The following SYT1 variants were observed in gnomAD, a reference collection of about 807,000 sequenced individuals.
SYT1 encodes synaptotagmin-1.
In SYT1, 8 loss-of-function variants were observed where a neutral mutation model predicts 44.8. The observed-to-expected ratio is 0.18, with a 90% CI of 0.10 to 0.32. The LOEUF (loss-of-function observed/expected upper bound fraction) is 0.32, where lower values mean the gene tolerates loss of function less well. Ranked by LOEUF, SYT1 falls within the 10% of genes least tolerant of loss-of-function variation. The probability of loss-of-function intolerance (pLI) is 1.00; values close to 1 mark genes in which losing one functional copy is unlikely to be tolerated. For missense variants in SYT1, 286 were observed against 509.3 expected (o/e 0.56, Z 4.22); for synonymous variants, 154 against 188.8 (o/e 0.82, Z 1.51).
intron 4 of SYT1, among the ~76,000 whole-genome samples, chr12:79,243,552 T>C (rs141358384): frequency 6.6e-6 from 1 of 152,284 alleles, no homozygotes; most frequent in East Asian, 1.9e-4. Flanking sequence ...TCGAATCCCT[T>C]TTCCCTGCTT....
At chr12:78,956,190 T>TG (rs947899145) in intron 1 of SYT1, among the ~76,000 whole-genome samples, 10 of 151,996 alleles carry the variant, frequency 6.6e-5, no homozygotes, top group East Asian at 1.9e-4. Flanking sequence ...ATGACTGGTA[T>TG]GGGGGGGCAG....
intron 3 of SYT1, among the ~76,000 whole-genome samples, chr12:79,080,724 C>A (rs936102373): frequency 6.6e-6 from 1 of 152,152 alleles, no homozygotes; most frequent in East Asian, 1.9e-4. Flanking sequence ...ATCTTAAAGG[C>A]ATTCAGATCT....
intron 9 of SYT1, among the ~76,000 whole-genome samples, chr12:79,381,394 G>A (rs1429044554): frequency 2.0e-5 from 3 of 152,140 alleles, no homozygotes; most frequent in Non-Finnish European, 4.4e-5. Context: ...GACCACCACT[G>A]TTACAAAGTA....
intron 3 of SYT1, among the ~76,000 whole-genome samples, chr12:79,057,615 G>A (rs1406742637): frequency 6.6e-6 from 1 of 151,964 alleles, no homozygotes; most frequent in Non-Finnish European, 1.5e-5. Context: ...AGTCTTAGAT[G>A]TTCTTTCTCT....
chr12:79,190,113 A>G lies in SYT1; in HGVS notation c.-17-27390A>G, dbSNP rs150630602. 5.5e-3 allele frequency among the ~76,000 whole-genome samples: 841 copies of G among 152,220 alleles called. 7 individuals are homozygous for G. Among genetic ancestry groups the G allele is most frequent in the African/African-American group, 0.019 (795 of 41,538 alleles). ...ACTGCAGCACTACATCCTGAAGAAAATCAACCTGTCCATGTTTCTTGAATC... is the reference window on the plus strand; with the variant it reads ...ACTGCAGCACTACATCCTGAAGAAAGTCAACCTGTCCATGTTTCTTGAATC... On this transcript the variant is annotated intron_variant, in intron 3 of 10. Coordinates refer to ENST00000261205, the MANE Select transcript of SYT1 (RefSeq NM_005639.3).
At chr12:79,369,439 C>T (rs1174067571) in intron 9 of SYT1, among the ~76,000 whole-genome samples, 1 of 151,940 alleles carries the variant, frequency 6.6e-6, no homozygotes, top group Non-Finnish European at 1.5e-5. Flanking sequence ...CTGCCACACT[C>T]CAGACTGGGT....
At chr12:78,973,937 AAATATAT>A (rs1223866597) in intron 1 of SYT1, among the ~76,000 whole-genome samples, 1 of 23,252 alleles carries the variant, frequency 4.3e-5, no homozygotes, top group Non-Finnish European at 7.2e-5. Context: ...AAAAAAAAAA[AAATATAT>A]ATATATATAT....
intron 9 of SYT1, among the ~76,000 whole-genome samples, chr12:79,360,890 G>A (rs1358806183): frequency 6.6e-5 from 10 of 152,156 alleles, no homozygotes; most frequent in Admixed American, 2.6e-4. Flanking sequence ...AGCCAAGCCC[G>A]GTACAAGTTG....
intron 9 of SYT1, among the ~76,000 whole-genome samples, chr12:79,373,535 G>A (rs1883876413): frequency 6.6e-6 from 1 of 152,002 alleles, no homozygotes; most frequent in Admixed American, 6.6e-5. Flanking sequence ...ACTTTGTAAT[G>A]TAGCAATTCA....
intron 4 of SYT1, among the ~76,000 whole-genome samples, chr12:79,223,906 C>A (rs186311718): frequency 6.6e-6 from 1 of 152,142 alleles, no homozygotes; most frequent in Non-Finnish European, 1.5e-5. Context: ...CCCTCTCTTT[C>A]CCCCAAGTTG....
intron 3 of SYT1, among the ~76,000 whole-genome samples, chr12:79,178,955 G>GATATAAATATATCT (rs1380990050): frequency 6.3e-5 from 3 of 47,456 alleles, no homozygotes; most frequent in African/African-American, 1.3e-4. Flanking sequence ...TATAGATATA[G>GATATAAATATATCT]ATATAGATAT....
chr12:79,161,005 G>A (rs1212430827), intron 3 of SYT1, among the ~76,000 whole-genome samples: 1 of 152,068 alleles, frequency 6.6e-6, no homozygotes, highest in Non-Finnish European at 1.5e-5. Context: ...GTTCCAGGCA[G>A]GTGGATCGTT....
At position 78,991,047 on chromosome 12, in the gene SYT1, C is replaced by T. The variant is rs544387874; in HGVS notation, c.-84+13116C>T. 2.0e-5 allele frequency among the ~76,000 whole-genome samples: 3 copies of T among 152,226 alleles called. No individual in the cohort carries two copies. In the South Asian group the frequency reaches 6.2e-4, roughly 32 times the overall value. ...CTTGCTTAATATATTACTGTTTTTA[C>T]TTCAAAACAACAGCATTTGTATTCT... On this transcript the variant is annotated intron_variant, in intron 2 of 10. Coordinates refer to ENST00000261205, the MANE Select transcript of SYT1 (RefSeq NM_005639.3).
At chr12:79,378,391 C>G (rs763189779) in intron 9 of SYT1, among the ~76,000 whole-genome samples, 2 of 152,170 alleles carry the variant, frequency 1.3e-5, no homozygotes, top group Non-Finnish European at 2.9e-5. Flanking sequence ...TCAAAGAGAA[C>G]AGTCCACTGG....
At chr12:78,953,281 C>T (rs1879058148) in intron 1 of SYT1, among the ~76,000 whole-genome samples, 2 of 152,034 alleles carry the variant, frequency 1.3e-5, no homozygotes, top group Non-Finnish European at 2.9e-5. Context: ...ATGTTTGTAT[C>T]TGGTCTGAGA....
intron 9 of SYT1, among the ~76,000 whole-genome samples, chr12:79,375,323 A>C (rs1244908882): frequency 6.6e-6 from 1 of 152,154 alleles, no homozygotes; most frequent in African/African-American, 2.4e-5. Flanking sequence ...GTGCAGGGCA[A>C]AGGGATAGGC....
intron 10 of SYT1, among the ~76,000 whole-genome samples, chr12:79,445,988 G>GACATATATATATATATATAT (rs1565961387): frequency 5.5e-4 from 26 of 46,912 alleles, no homozygotes; most frequent in African/African-American, 9.1e-4. Flanking sequence ...TTAATCCAAA[G>GACATATATATATATATATAT]ACATATATAT....
At position 79,066,685 on chromosome 12, in the gene SYT1, T is replaced by C. The variant is rs183061390; in HGVS notation, c.-18+19323T>C. Among the ~76,000 whole-genome samples, 4 of 152,212 alleles carry C rather than the reference T, an allele frequency of 2.6e-5. No individual in the cohort carries two copies. In the East Asian group the frequency reaches 7.7e-4, roughly 29 times the overall value. ...CTAATTAGAAATAAATGAAATAATA[T>C]TGGTAACATAGCTAATACAATGCCT... is the stretch of plus-strand genomic sequence containing the variant. On this transcript the variant is annotated intron_variant, in intron 3 of 10. Transcript: ENST00000261205.
chr12:78,938,769 A>G (rs1263880798), intron 1 of SYT1, among the ~76,000 whole-genome samples: 3 of 152,208 alleles, frequency 2.0e-5, no homozygotes, highest in Non-Finnish European at 4.4e-5. Flanking sequence ...TCCAGGAAGT[A>G]TAACTCTGTA....
Sources: gnomAD v4.1 joint callset for allele counts (sites outside exome capture counted in the v4.1 genomes callset) on GRCh38, gnomAD v4.1.1 for gene constraint, MANE v1.5 for transcripts, NCBI Gene and HGNC (gene_info 2026-07-23, HGNC 2026-07-21) for gene names.